SH2D4A: variants seen among roughly 807,000 people sequenced by gnomAD.
SH2D4A encodes SH2 domain containing 4A, also known as SH2 domain-containing protein 4A.
In SH2D4A, 70 loss-of-function variants were observed where a neutral mutation model predicts 64.7. That is an observed-to-expected ratio of 1.08 (90% confidence interval 0.89 to 1.32). SH2D4A has a LOEUF of 1.32. SH2D4A is among the 40% of genes most tolerant of loss of function. SH2D4A has a pLI of 0.00. For synonymous variants in SH2D4A, 268 were observed against 200.7 expected, an observed-to-expected ratio of 1.34 and a Z score of -2.83; for missense variants, 706 against 540.1, an observed-to-expected ratio of 1.31 and a Z score of -3.04.
chr8:19,360,987 G>A, intron 5 of SH2D4A: 1 of 328,216 alleles, frequency 3.0e-6, no homozygotes, highest in African/African-American at 2.2e-5. Flanking sequence ...TTCATTTGTT[G>A]CTCCTGGAGT....
At chr8:19,353,323 A>G (rs2052736383) in intron 4 of SH2D4A, among the ~76,000 whole-genome samples, 1 of 150,916 alleles carries the variant, frequency 6.6e-6, no homozygotes, top group African/African-American at 2.4e-5. Flanking sequence ...ATACCCTCTG[A>G]TATTGCCATC....
intron 1 of SH2D4A, 126 bp from the exon 2 acceptor site, chr8:19,319,218 T>C (rs1434051183): frequency 2.8e-5 from 17 of 617,486 alleles, no homozygotes; most frequent in Non-Finnish European, 3.5e-5. Context: ...GATTTTCTTC[T>C]TCTCTTTTCT....
At chr8:19,356,208 A>G (rs1366525712) in intron 4 of SH2D4A, among the ~76,000 whole-genome samples, 11 of 152,336 alleles carry the variant, frequency 7.2e-5, no homozygotes, top group African/African-American at 2.6e-4. Context: ...CCGCTGAGGC[A>G]TTTGGGAAAT....
intron 7 of SH2D4A, among the ~76,000 whole-genome samples, chr8:19,369,077 G>T (rs1045149205): frequency 2.0e-5 from 3 of 152,044 alleles, no homozygotes; most frequent in African/African-American, 7.2e-5. Flanking sequence ...ACCTGTGTCT[G>T]TTGAGATGAT....
chr8:19,335,904 G>A (rs2052438162), intron 4 of SH2D4A, among the ~76,000 whole-genome samples: 1 of 152,178 alleles, frequency 6.6e-6, no homozygotes, highest in African/African-American at 2.4e-5. Context: ...TAATTACACT[G>A]AGAATTAACA....
intron 8 of SH2D4A, among the ~76,000 whole-genome samples, chr8:19,382,356 C>A (rs1258277541): frequency 6.6e-6 from 1 of 152,108 alleles, no homozygotes; most frequent in Non-Finnish European, 1.5e-5. Context: ...CCTCCACTTA[C>A]AATGGTTTGA....
Position 19,361,043 on chromosome 8 carries a change from C to T in SH2D4A, c.595-160C>T, listed in dbSNP as rs73601133. 3,175 of 476,740 alleles carry T rather than the reference C, an allele frequency of 6.7e-3. 84 individuals carry two copies. The highest frequency in any genetic ancestry group is 0.057 in the African/African-American group (2,868 of 49,938). The allele number at this position is 476,740 out of a possible 1,614,324, so 29.5% of individuals were successfully genotyped here. A position where few individuals can be genotyped will look rare whatever the true frequency, so the allele number is the denominator to read the frequency against. The stretch of plus-strand genomic sequence containing the variant: ...TCAGTCTTACTTCAGGTCTTACTGA[C>T]TCCAAAGTCCACACTTGATCCTTCC... On this transcript the variant is annotated intron_variant, in intron 5 of 9. Coordinates refer to ENST00000265807, the MANE Select transcript of SH2D4A (RefSeq NM_022071.4).
intron 2 of SH2D4A, among the ~76,000 whole-genome samples, chr8:19,321,204 AT>A (rs55936925): frequency 0.79 from 118,694 of 150,664 alleles, 46,897 homozygotes; most frequent in African/African-American, 0.87. Flanking sequence ...AGAGAAGTTC[AT>A]TTTTTTTTTT....
chr8:19,362,355 A>G (rs2052905511), intron 6 of SH2D4A, among the ~76,000 whole-genome samples: 1 of 152,256 alleles, frequency 6.6e-6, no homozygotes, highest in Admixed American at 6.5e-5. Context: ...TCATTTTTAC[A>G]TTCTGCATTT....
chr8:19,386,623 C>T (rs965996406), intron 8 of SH2D4A, among the ~76,000 whole-genome samples: 3 of 152,034 alleles, frequency 2.0e-5, no homozygotes, highest in Non-Finnish European at 4.4e-5. Context: ...CCTAGAGGGG[C>T]CTCAGAGGCA....
chr8:19,355,297 A>T (rs888162892), intron 4 of SH2D4A, among the ~76,000 whole-genome samples: 44 of 152,154 alleles, frequency 2.9e-4, no homozygotes, highest in African/African-American at 1.0e-3. Context: ...CTGGTGGTGG[A>T]AATGCACTCA....
intron 8 of SH2D4A, among the ~76,000 whole-genome samples, chr8:19,382,447 T>C (rs1303096250): frequency 6.6e-6 from 1 of 152,166 alleles, no homozygotes; most frequent in Non-Finnish European, 1.5e-5. Context: ...TGTTCAACCA[T>C]TGTGTTTTTC....
At chr8:19,341,704 A>G (rs1035009838) in intron 4 of SH2D4A, among the ~76,000 whole-genome samples, 3 of 152,090 alleles carry the variant, frequency 2.0e-5, no homozygotes, top group Admixed American at 6.5e-5. Context: ...TTAGTCAGGC[A>G]TGGTGGCATG....
intron 8 of SH2D4A, among the ~76,000 whole-genome samples, chr8:19,380,221 G>T (rs1191034287): frequency 1.3e-5 from 2 of 152,046 alleles, no homozygotes; most frequent in South Asian, 4.1e-4. Context: ...TTTTGGATTG[G>T]GTTCTTGTTG....
At chr8:19,316,242 T>G (rs1216707210) in intron 1 of SH2D4A, among the ~76,000 whole-genome samples, 1 of 152,204 alleles carries the variant, frequency 6.6e-6, no homozygotes, top group Non-Finnish European at 1.5e-5. Context: ...AGGAAGCCAG[T>G]GTCTTTCCTT....
At position 19,377,110 on chromosome 8, in the gene SH2D4A, G is replaced by C. The variant is rs559383312; in HGVS notation, c.1048+3450G>C. On this transcript the variant is annotated intron_variant, in intron 8 of 9. Transcript: ENST00000265807. ...AGTAAAACTTGCCAGGGCGGGCATG[G>C]TGGCTCATACCTGTAATCCCAGTGC... Among the ~76,000 whole-genome samples the C allele has an allele frequency of 2.6e-4, 40 of 152,246 alleles. No homozygotes were observed. The South Asian group carries it at 2.9e-3, about 11-fold the overall frequency.
At chr8:19,386,739 A>G (rs1415431771) in intron 8 of SH2D4A, among the ~76,000 whole-genome samples, 4 of 152,168 alleles carry the variant, frequency 2.6e-5, no homozygotes, top group Non-Finnish European at 5.9e-5. Context: ...TTAATTTAGT[A>G]TTTTAAAAGC....
intron 4 of SH2D4A, among the ~76,000 whole-genome samples, chr8:19,341,139 TCACTGCCCC>T (rs1028047229): frequency 6.6e-6 from 1 of 152,214 alleles, no homozygotes; most frequent in African/African-American, 2.4e-5. Flanking sequence ...ACAGAATTCA[TCACTGCCCC>T]CAGGCCTTCT....
intron 8 of SH2D4A, chr8:19,375,208 CTG>C (rs2053171802): frequency 6.6e-6 from 1 of 151,842 alleles, no homozygotes; most frequent in African/African-American, 2.4e-5. Context: ...CAAAATAAAA[CTG>C]TATAATTAAT....
Sources: gnomAD v4.1 joint callset for allele counts (sites outside exome capture counted in the v4.1 genomes callset) on GRCh38, gnomAD v4.1.1 for gene constraint, MANE v1.5 for transcripts, NCBI Gene and HGNC (gene_info 2026-07-23, HGNC 2026-07-21) for gene names.